ZFP14: variants seen among roughly 807,000 people sequenced by gnomAD.
ZFP14 encodes zinc finger protein 14 homolog.
In ZFP14, 22 loss-of-function variants were observed where a neutral mutation model predicts 54.5. That is an observed-to-expected ratio of 0.40 (90% CI 0.29 to 0.58). ZFP14 has a LOEUF of 0.58. Ranked by LOEUF, ZFP14 falls within the 20% of genes least tolerant of loss-of-function variation. The pLI is 0.39. For synonymous variants in ZFP14, 159 were observed against 204.0 expected, an observed-to-expected ratio of 0.78 and a Z score of 1.88; for missense variants, 470 against 637.8, an observed-to-expected ratio of 0.74 and a Z score of 2.83.
Position 36,341,316 on chromosome 19 carries a change from C to A in ZFP14, c.510G>T (p.Lys170Asn), listed in dbSNP as rs773719671. 5 of 1,614,148 alleles carry A rather than the reference C, an allele frequency of 3.1e-6. No individual in the cohort carries two copies. Among genetic ancestry groups the A allele is most frequent in the Non-Finnish European group, 3.4e-6 (4 of 1,180,044 alleles). ...TEYQIVHNGE[K>N]VYECKECRKT... is the part of the protein sequence containing the mutation. The stretch of plus-strand genomic sequence containing the variant: ...TCCTACACTCCTTACACTCATACAC[C>A]TTTTCTCCATTATGAACGATCTGAT... Residue 170 changes from lysine to asparagine, a missense_variant, in exon 5 of 5, where the codon AAG becomes AAT. Lys to Asn is a moderately conservative substitution (Grantham distance 94, BLOSUM62 0). Transcript: ENST00000270001. This position sits in a 1 kb window ranked among gnomAD's most constrained non-coding sequence, Gnocchi z 4.2.
intron 4 of ZFP14, among the ~76,000 whole-genome samples, chr19:36,343,441 C>A (rs934633024): frequency 1.3e-5 from 2 of 152,052 alleles, no homozygotes; most frequent in African/African-American, 2.4e-5. Flanking sequence ...CAGGCTGCTC[C>A]TTCTTTGAGG....
At chr19:36,377,438 T>C (rs2031980164) in intron 1 of ZFP14, among the ~76,000 whole-genome samples, 1 of 151,376 alleles carries the variant, frequency 6.6e-6, no homozygotes, top group South Asian at 2.1e-4. Flanking sequence ...TCTCAGCTAC[T>C]CAAGAGGCTG....
intron 4 of ZFP14, among the ~76,000 whole-genome samples, chr19:36,346,504 G>A (rs2031417088): frequency 6.6e-6 from 1 of 151,820 alleles, no homozygotes; most frequent in African/African-American, 2.4e-5. Context: ...TCGCCAGGCT[G>A]GAGTGTAGTG....
chr19:36,364,040 C>T (rs2031753965), intron 2 of ZFP14, among the ~76,000 whole-genome samples: 1 of 151,742 alleles, frequency 6.6e-6, no homozygotes, highest in South Asian at 2.1e-4. Flanking sequence ...CTGCTCTAGA[C>T]CAGCACATCC....
rs1327747292 is a variant in ZFP14 at position 36,353,659 on chromosome 19, CT to C, written c.235+6775del. Among the ~76,000 whole-genome samples the C allele has an allele frequency of 1.5e-4, 19 of 123,800 alleles. 2 individuals carry two copies. The East Asian group carries it at 4.6e-3, about 30-fold the overall frequency. 81.2% of individuals were successfully genotyped at this position (123,800 alleles called of 152,430 possible). ...GTTGCAGTGAGCCGAGATTGCGCCA[CT>C]ACACTCCAGTCTGGGTGACAGAGTG... On this transcript the variant is annotated intron_variant, in intron 4 of 4. Transcript: ENST00000270001.
At chr19:36,358,021 G>T (rs1169507774) in intron 4 of ZFP14, among the ~76,000 whole-genome samples, 1 of 151,722 alleles carries the variant, frequency 6.6e-6, no homozygotes, top group Non-Finnish European at 1.5e-5. Context: ...GGGATTCCAG[G>T]CATGAGCCAC....
rs1242340342 is a variant in ZFP14 at position 36,339,987 on chromosome 19, GA to G, written c.*236del. The stretch of plus-strand genomic sequence containing the variant: ...TAAATCAAACTGGTAATCAAGTGGA[GA>G]AAGGGAGATAATGACAGATAAGGCT... On this transcript the variant is annotated 3_prime_UTR_variant, in exon 5 of 5. Coordinates refer to ENST00000270001, the MANE Select transcript of ZFP14 (RefSeq NM_020917.3). 1.6e-5 allele frequency: 6 copies of G among 382,014 alleles called. No individual in the cohort carries two copies. Among genetic ancestry groups the G allele is most frequent in the Non-Finnish European group, 2.3e-5 (5 of 217,836 alleles). 23.7% of individuals were successfully genotyped at this position (382,014 alleles called of 1,614,324 possible). A position where few individuals can be genotyped will look rare whatever the true frequency, so the allele number is the denominator to read the frequency against.
chr19:36,349,231 CAA>C (rs1308523351), intron 4 of ZFP14, among the ~76,000 whole-genome samples: 4 of 4,264 alleles, frequency 9.4e-4, no homozygotes, highest in Non-Finnish European at 1.6e-3. Flanking sequence ...AACTCTGTCT[CAA>C]AAAAAAAAAC....
intron 4 of ZFP14, among the ~76,000 whole-genome samples, chr19:36,359,726 C>T (rs2031678933): frequency 6.6e-6 from 1 of 152,084 alleles, no homozygotes; most frequent in Non-Finnish European, 1.5e-5. Flanking sequence ...GTGATCTTGG[C>T]TCACTGCAAC....
intron 1 of ZFP14, chr19:36,378,145 AGATTCTAAGGAG>A (rs1454090564): frequency 2.0e-5 from 3 of 152,232 alleles, no homozygotes; most frequent in African/African-American, 7.2e-5. Flanking sequence ...TCCAGCTGAA[AGATTCTAAGGAG>A]GATCTAATGA....
rs563833764 is a variant in ZFP14, at chr19:36,375,478, C to T, written c.-80+3685G>A. 3.6e-3 allele frequency among the ~76,000 whole-genome samples: 552 copies of T among 151,940 alleles called. 3 individuals are homozygous for T. Among genetic ancestry groups the T allele is most frequent in the African/African-American group, 0.012 (508 of 41,408 alleles). The stretch of plus-strand genomic sequence containing the variant: ...TCTCGGCTCACCACAACTTCCACCT[C>T]CTGGGTTCAAGCGATTCTCCTGCCT... On this transcript the variant is annotated intron_variant, in intron 1 of 4. Transcript: ENST00000270001.
chr19:36,357,072 C>T (rs945310085), intron 4 of ZFP14, among the ~76,000 whole-genome samples: 1 of 151,904 alleles, frequency 6.6e-6, no homozygotes, highest in African/African-American at 2.4e-5. Context: ...AGACAGAGTC[C>T]CACTCTGTCA....
In ZFP14 at chr19:36,370,057, A is replaced by G. The variant is rs549315321; in HGVS notation, c.-79-2086T>C. ...GATAGCAAAATAGTTCTTTCCATCT[A>G]TGGTCCACCTGCAGAAACATCAGTT... is the stretch of plus-strand genomic sequence containing the variant. On this transcript the variant is annotated intron_variant, in intron 1 of 4. Coordinates refer to ENST00000270001, the MANE Select transcript of ZFP14 (RefSeq NM_020917.3). Among the ~76,000 whole-genome samples the G allele has an allele frequency of 3.1e-4, 47 of 152,314 alleles. No individual in the cohort carries two copies. In the South Asian group the frequency reaches 8.3e-3, roughly 27 times the overall value.
At chr19:36,345,869 AAT>A (rs1376050987) in intron 4 of ZFP14, among the ~76,000 whole-genome samples, 1 of 152,182 alleles carries the variant, frequency 6.6e-6, no homozygotes, top group Non-Finnish European at 1.5e-5. Flanking sequence ...AATGAAGGAA[AAT>A]ATATGAGTAT....
intron 1 of ZFP14, among the ~76,000 whole-genome samples, chr19:36,369,213 A>C (rs1033062287): frequency 6.6e-6 from 1 of 152,114 alleles, no homozygotes; most frequent in African/African-American, 2.4e-5. Context: ...AACAATATTC[A>C]TTGAGAACCT....
chr19:36,371,991 G>GGAGA lies in ZFP14; in HGVS notation c.-79-4021_-79-4020insTCTC, dbSNP rs1403166423. The stretch of plus-strand genomic sequence containing the variant: ...AGATAAGAAGGAAGGAGGGATGGAG[G>GGAGA]GAGGGAGGGAGGGAAGGAGGGAAGG... On this transcript the variant is annotated intron_variant, in intron 1 of 4. Transcript: ENST00000270001. Among the ~76,000 whole-genome samples, 475 of 142,522 alleles carry GGAGA rather than the reference G, an allele frequency of 3.3e-3. 2 individuals carry two copies. The highest frequency in any genetic ancestry group is 0.012 in the African/African-American group (459 of 38,242). The allele number at this position is 142,522 out of a possible 152,430, so 93.5% of individuals were successfully genotyped here.
chr19:36,337,629 T>C lies in ZFP14; in HGVS notation c.*2595A>G, dbSNP rs1320133958. 2 of 141,930 alleles carry C rather than the reference T, an allele frequency of 1.4e-5. No individual in the cohort carries two copies. Among genetic ancestry groups the C allele is most frequent in the Non-Finnish European group, 3.3e-5 (2 of 61,216 alleles). 8.8% of individuals were successfully genotyped at this position (141,930 alleles called of 1,614,324 possible). ...CATCAGTGGAGGATCCTGGAACCAATTCCCCATGGATACCAAGGGATGACC... is the reference window on the plus strand; with the variant it reads ...CATCAGTGGAGGATCCTGGAACCAACTCCCCATGGATACCAAGGGATGACC... On this transcript the variant is annotated 3_prime_UTR_variant, in exon 5 of 5. Transcript: ENST00000270001.
chr19:36,343,423 A>T (rs2031357879), intron 4 of ZFP14, among the ~76,000 whole-genome samples: 1 of 151,712 alleles, frequency 6.6e-6, no homozygotes, highest in Admixed American at 6.6e-5. Context: ...AATAAATAGG[A>T]CTCTTCACAG....
In ZFP14 at chr19:36,374,509, A is replaced by G. The variant is rs59533425; in HGVS notation, c.-80+4654T>C. On this transcript the variant is annotated intron_variant, in intron 1 of 4. Coordinates refer to ENST00000270001, the MANE Select transcript of ZFP14 (RefSeq NM_020917.3). ...TGTCTCAAAAAAAAAAAAAAAAAAG[A>G]AAAGAAAAAAGATTATGCAGAGCTA... is the stretch of plus-strand genomic sequence containing the variant. 5.8e-3 allele frequency among the ~76,000 whole-genome samples: 868 copies of G among 150,526 alleles called. 8 individuals are homozygous for G. Among genetic ancestry groups the G allele is most frequent in the African/African-American group, 0.02 (831 of 41,194 alleles).
Sources: gnomAD v4.1 joint callset for allele counts (sites outside exome capture counted in the v4.1 genomes callset) on GRCh38, gnomAD v4.1.1 for gene constraint, Gnocchi (gnomAD v3.1) non-coding constraint, MANE v1.5 for transcripts, NCBI Gene and HGNC (gene_info 2026-07-23, HGNC 2026-07-21) for gene names.